NFATC2: variants seen among roughly 807,000 people sequenced by gnomAD.
NFATC2 encodes nuclear factor of activated T-cells, cytoplasmic 2.
A neutral mutation model predicts 87.3 loss-of-function variants in NFATC2; 22 were observed. The ratio of observed to expected loss-of-function variants is 0.25; its 90% confidence interval spans 0.18 to 0.36. The LOEUF (loss-of-function observed/expected upper bound fraction) is 0.36, where lower values mean the gene tolerates loss of function less well. Ranked by LOEUF, NFATC2 falls within the 10% of genes least tolerant of loss-of-function variation. The probability of loss-of-function intolerance (pLI) is 1.00; values close to 1 mark genes in which losing one functional copy is unlikely to be tolerated. For synonymous variants in NFATC2, 565 were observed against 542.2 expected (o/e 1.04, Z -0.58); for missense variants, 1,149 against 1,259.1 (o/e 0.91, Z 1.32).
At chr20:51,472,103 C>T (rs1271064177) in intron 5 of NFATC2, among the ~76,000 whole-genome samples, 1 of 152,008 alleles carries the variant, frequency 6.6e-6, no homozygotes. Flanking sequence ...AAAATACAAA[C>T]AATTAGCCAG....
chr20:51,429,617 A>G (rs992892173), intron 9 of NFATC2, among the ~76,000 whole-genome samples: 1 of 152,194 alleles, frequency 6.6e-6, no homozygotes, highest in African/African-American at 2.4e-5. Context: ...TGTGGACATC[A>G]CCACCTGGAG....
Position 51,432,656 on chromosome 20 carries a change from G to A in NFATC2, c.2133C>T (p.His711=). The A allele has an allele frequency of 6.4e-7, 1 of 1,557,394 alleles. No homozygotes were observed. ...AGGAGGGGGACTCGGCCACCATCGGGTGCTGGGGGTAGTAAGGCTGGCTCC... is the reference window on the plus strand; with the variant it reads ...AGGAGGGGGACTCGGCCACCATCGGATGCTGGGGGTAGTAAGGCTGGCTCC... ...GLGSQPYYPQ[H]PMVAESPSCL... is the part of the protein sequence containing the mutation. Residue 711 remains histidine (H), a synonymous_variant, in exon 9 of 11, where the codon CAC becomes CAT. Transcript: ENST00000371564. This position sits in a 1 kb window ranked among gnomAD's most constrained non-coding sequence, Gnocchi z 4.6.
intron 9 of NFATC2, among the ~76,000 whole-genome samples, chr20:51,402,342 C>T (rs993842963): frequency 5.3e-5 from 8 of 152,214 alleles, no homozygotes; most frequent in African/African-American, 1.9e-4. Flanking sequence ...GTAGCAACCA[C>T]AGGCAGGAAA....
Position 51,397,973 on chromosome 20 carries a change from C to G in NFATC2, c.*44+670G>C, listed in dbSNP as rs188694428. On this transcript the variant is annotated intron_variant, in intron 10 of 10. Coordinates refer to ENST00000371564, the MANE Select transcript of NFATC2 (RefSeq NM_012340.5). ...ACCCCAGGGCCTCCTGAAACCTGCA[C>G]GATAAGGTCTTCTTAGCGGCCAGGC... is the stretch of plus-strand genomic sequence containing the variant. Among the ~76,000 whole-genome samples the G allele has an allele frequency of 1.2e-4, 18 of 152,284 alleles. No individual in the cohort carries two copies. The East Asian group carries it at 1.4e-3, about 11-fold the overall frequency.
In NFATC2 at chr20:51,561,452, A is replaced by G. The variant is rs182281209; in HGVS notation, c.70+1108T>C. ...AAAGAAAAGAAAGAAAGAAAGAAAG[A>G]AAGAAAGAAAGAAAGAAAGAAAGAA... On this transcript the variant is annotated intron_variant, in intron 1 of 10. Coordinates refer to the NFATC2 transcript ENST00000414705. Among the ~76,000 whole-genome samples the G allele has an allele frequency of 8.3e-3, 932 of 112,484 alleles. 3 individuals carry two copies. The highest frequency in any genetic ancestry group is 0.012 in the Non-Finnish European group (669 of 54,160). 73.8% of individuals were successfully genotyped at this position (112,484 alleles called of 152,430 possible). A position where few individuals can be genotyped will look rare whatever the true frequency, so the allele number is the denominator to read the frequency against.
At chr20:51,470,230 G>A (rs73615395) in intron 5 of NFATC2, among the ~76,000 whole-genome samples, 11,129 of 152,118 alleles carry the variant, frequency 0.073, 587 homozygotes, top group East Asian at 0.16. Flanking sequence ...AGGGGTGGGG[G>A]CAGCATTCAG....
At chr20:51,544,719 C>T (rs988617512), upstream of NFATC2, among the ~76,000 whole-genome samples, 7 of 152,216 alleles carry the variant, frequency 4.6e-5, no homozygotes, top group Non-Finnish European at 5.9e-5. Flanking sequence ...TTGTATTCAA[C>T]GACCTGAGCA....
intron 6 of NFATC2, among the ~76,000 whole-genome samples, chr20:51,451,795 A>ATCT (rs1214426443): frequency 6.6e-6 from 1 of 152,152 alleles, no homozygotes; most frequent in Non-Finnish European, 1.5e-5. Flanking sequence ...GCCTTAGGAG[A>ATCT]GTCTAATGCC....
In NFATC2 at chr20:51,441,337, A is replaced by G. The variant is rs535509241; in HGVS notation, c.1850-5576T>C. Among the ~76,000 whole-genome samples, 148 of 152,208 alleles carry G rather than the reference A, an allele frequency of 9.7e-4. 3 individuals carry two copies. The South Asian group carries it at 0.015, about 15-fold the overall frequency. On this transcript the variant is annotated intron_variant, in intron 6 of 10. Coordinates refer to ENST00000371564, the MANE Select transcript of NFATC2 (RefSeq NM_012340.5). ...TTCTCAGCCTGATGTCACTCTGCCC[A>G]GGTTCAAGTTCTGTCCCCAAAGTTT...
In NFATC2 at chr20:51,480,161, G is replaced by T. The variant is rs1273931775; in HGVS notation, c.1333-4501C>A. Among the ~76,000 whole-genome samples, 1 of 152,064 alleles carries T rather than the reference G, an allele frequency of 6.6e-6. No homozygotes were observed. Among genetic ancestry groups the T allele is most frequent in the Non-Finnish European group, 1.5e-5 (1 of 68,020 alleles). On this transcript the variant is annotated intron_variant, in intron 3 of 10. Coordinates refer to ENST00000371564, the MANE Select transcript of NFATC2 (RefSeq NM_012340.5). The surrounding 1 kb of genome is among the most constrained non-coding windows in gnomAD (Gnocchi z 4.2). Reference sequence around the variant, plus strand: ...AAATTAGCCAGGTATGGTGGCACGTGCCTGTAATCCCAGCTACTCAGGAGA... The same window carrying T: ...AAATTAGCCAGGTATGGTGGCACGTTCCTGTAATCCCAGCTACTCAGGAGA...
At chr20:51,398,571 A>T (rs1031529351) in intron 10 of NFATC2, 72 bp downstream of exon 10, 6 of 1,240 alleles carry the variant, frequency 4.8e-3, no homozygotes, top group Non-Finnish European at 4.1e-3. Flanking sequence ...TACTTTACTT[A>T]AAAAAAAAAA....
At chr20:51,433,421 T>C (rs1983064244) in intron 8 of NFATC2, among the ~76,000 whole-genome samples, 1 of 152,164 alleles carries the variant, frequency 6.6e-6, no homozygotes, top group Non-Finnish European at 1.5e-5. Flanking sequence ...GGAACAATCA[T>C]ACCTACCCCC....
intron 1 of NFATC2, among the ~76,000 whole-genome samples, chr20:51,549,492 AG>A (rs1482114840): frequency 6.6e-6 from 1 of 152,218 alleles, no homozygotes; most frequent in Non-Finnish European, 1.5e-5. Context: ...CACCCCTTCC[AG>A]GCTGACTTTC....
chr20:51,391,673 C>A (rs184664421), intron 10 of NFATC2, among the ~76,000 whole-genome samples: 3 of 151,862 alleles, frequency 2.0e-5, no homozygotes, highest in African/African-American at 7.3e-5. Context: ...CGCCACCACA[C>A]CTGACTACAT....
chr20:51,427,320 C>T lies in NFATC2; in HGVS notation c.2722+4747G>A, dbSNP rs148786133. Among the ~76,000 whole-genome samples the T allele has an allele frequency of 3.3e-5, 5 of 152,278 alleles. No individual in the cohort carries two copies. In the East Asian group the frequency reaches 9.6e-4, roughly 29 times the overall value. ...CCTCTGAGTCCACTTTCCCCAGCGC[C>T]TCTCCCGCTTGCTTGCGTCCTGAGT... On this transcript the variant is annotated intron_variant, in intron 9 of 10. Coordinates refer to ENST00000371564, the MANE Select transcript of NFATC2 (RefSeq NM_012340.5).
At chr20:51,552,006 G>A (rs1357292388) in intron 1 of NFATC2, among the ~76,000 whole-genome samples, 5 of 147,022 alleles carry the variant, frequency 3.4e-5, no homozygotes, top group Non-Finnish European at 7.4e-5. Flanking sequence ...CAGCCTGGGC[G>A]ACAGAGCGAG....
rs1555876173 is a variant in NFATC2 at position 51,432,753 on chromosome 20, G to A, written c.2036C>T (p.Pro679Leu). 2 of 1,568,578 alleles carry A rather than the reference G, an allele frequency of 1.3e-6. No individual in the cohort carries two copies. Among genetic ancestry groups the A allele is most frequent in the Non-Finnish European group, 1.7e-6 (2 of 1,166,538 alleles). ...ATCCGTGGGCTCCGTCTTGATGGCT[G>A]GGACTGGGAGGAGAAAAGAGCACAT... Reference protein sequence around the residue: ...QPQHFTYHPVPAIKTEPTDEY... With the variant: ...QPQHFTYHPVLAIKTEPTDEY... The change falls in exon 9 of 11, where the codon CCA becomes CTA. Residue 679 changes from proline (P) to leucine (L), a missense_variant. Around this residue, in one of 3 missense-constraint regions of NFATC2, gnomAD observed 581 missense variants for 649.7 expected, o/e 0.89. Coordinates refer to ENST00000371564, the MANE Select transcript of NFATC2 (RefSeq NM_012340.5). The surrounding 1 kb of genome is among the most constrained non-coding windows in gnomAD (Gnocchi z 4.6).
In NFATC2 at chr20:51,524,194, T is replaced by C; in HGVS notation, c.131-84A>G. 8.0e-7 allele frequency: 1 copy of C among 1,245,696 alleles called. No homozygotes were observed. Among genetic ancestry groups the C allele is most frequent in the Non-Finnish European group, 1.0e-6 (1 of 952,832 alleles). 77.2% of individuals were successfully genotyped at this position (1,245,696 alleles called of 1,614,324 possible). A position where few individuals can be genotyped will look rare whatever the true frequency, so the allele number is the denominator to read the frequency against. On this transcript the variant is annotated intron_variant, in intron 1 of 10. Transcript: ENST00000371564. This position sits in a 1 kb window ranked among gnomAD's most constrained non-coding sequence, Gnocchi z 4.0. ...CAGAGCAATCACAGGCTGGATTTCG[T>C]CTCACGTCGTTTATTTTTTTCAAAT...
Position 51,523,111 on chromosome 20 carries a change from T to C in NFATC2, c.1130A>G (p.Lys377Arg). 6.2e-7 allele frequency: 1 copy of C among 1,614,234 alleles called. No individual in the cohort carries two copies. Among genetic ancestry groups the C allele is most frequent in the Non-Finnish European group, 8.5e-7 (1 of 1,180,042 alleles). The change falls in exon 2 of 11, where the codon AAG becomes AGG. Residue 377 changes from lysine (K) to arginine (R), a missense_variant. Around this residue, in one of 3 missense-constraint regions of NFATC2, gnomAD observed 563 missense variants for 585.2 expected, o/e 0.96. Coordinates refer to ENST00000371564, the MANE Select transcript of NFATC2 (RefSeq NM_012340.5). This position sits in a 1 kb window ranked among gnomAD's most constrained non-coding sequence, Gnocchi z 6.9. ...GATGGGAATGGCAGGCACCAGCGGCTTGGGCCAAGTGGGCGGAACCAGCAG... is the reference window on the plus strand; with the variant it reads ...GATGGGAATGGCAGGCACCAGCGGCCTGGGCCAAGTGGGCGGAACCAGCAG... ...SILLVPPTWP[K>R]PLVPAIPICS...
Sources: allele counts gnomAD v4.1 joint callset (sites outside exome capture counted in the v4.1 genomes callset), GRCh38; gene constraint gnomAD v4.1.1; regional missense constraint gnomAD v4.1.1; non-coding constraint Gnocchi (gnomAD v3.1); transcripts MANE v1.5; gene names NCBI Gene and HGNC (gene_info 2026-07-23, HGNC 2026-07-21).